THSD7B: variants seen among roughly 807,000 people sequenced by gnomAD.
THSD7B encodes thrombospondin type-1 domain-containing protein 7B.
Under a neutral mutation model 213.6 loss-of-function variants are expected in THSD7B, and 138 were observed. That is an observed-to-expected ratio of 0.65 (90% CI 0.56 to 0.74). THSD7B has a LOEUF of 0.74. Among genes scored for constraint, THSD7B ranks in the 30% least tolerant of loss-of-function variants. The pLI, the probability that THSD7B is intolerant of heterozygous loss-of-function variation, is 0.00. For synonymous variants in THSD7B, 742 were observed against 687.0 expected (o/e 1.08, Z -1.25); for missense variants, 1,931 against 1,991.5 (o/e 0.97, Z 0.58).
chr2:137,057,354 G>A, intron 3 of THSD7B, 124 bp downstream of exon 3: 1 of 1,008,488 alleles, frequency 9.9e-7, no homozygotes, highest in Non-Finnish European at 1.4e-6. Context: ...TAGGTTTTTA[G>A]AAGTTTCATG....
chr2:137,273,621 G>A (rs1682801880), intron 11 of THSD7B, among the ~76,000 whole-genome samples: 1 of 152,060 alleles, frequency 6.6e-6, no homozygotes, highest in African/African-American at 2.4e-5. Flanking sequence ...GAAAATACAA[G>A]TCATTTCCTT....
At chr2:137,268,910 C>A (rs1682665888) in intron 10 of THSD7B, among the ~76,000 whole-genome samples, 1 of 152,180 alleles carries the variant, frequency 6.6e-6, no homozygotes. Flanking sequence ...CCACTTAAGT[C>A]TGTTGTGTGC....
At chr2:136,767,253 G>A (rs1027511099) in intron 1 of THSD7B, among the ~76,000 whole-genome samples, 8 of 152,162 alleles carry the variant, frequency 5.3e-5, no homozygotes, top group Non-Finnish European at 8.8e-5. Context: ...GTGAGTGAAA[G>A]CTCGTGTCTT....
chr2:137,309,235 C>T (rs1332917311), intron 12 of THSD7B, among the ~76,000 whole-genome samples: 1 of 151,904 alleles, frequency 6.6e-6, no homozygotes, highest in South Asian at 2.1e-4. Context: ...TCTTTGATTG[C>T]TATTAATATT....
intron 5 of THSD7B, among the ~76,000 whole-genome samples, chr2:137,142,444 C>T (rs1679604854): frequency 6.6e-6 from 1 of 151,410 alleles, no homozygotes; most frequent in Admixed American, 6.6e-5. Flanking sequence ...TTTCAACATT[C>T]GTTTTTGTTG....
At chr2:136,917,196 C>T (rs748529736) in intron 2 of THSD7B, among the ~76,000 whole-genome samples, 2 of 152,118 alleles carry the variant, frequency 1.3e-5, no homozygotes, top group Non-Finnish European at 2.9e-5. Flanking sequence ...CGCATCCCAC[C>T]CCAGCTTATT....
At chr2:137,345,453 TATG>T (rs1382683639) in intron 12 of THSD7B, among the ~76,000 whole-genome samples, 1 of 151,564 alleles carries the variant, frequency 6.6e-6, no homozygotes, top group Non-Finnish European at 1.5e-5. Flanking sequence ...TACAAAAACA[TATG>T]ATGCTTTCTA....
intron 3 of THSD7B, among the ~76,000 whole-genome samples, chr2:137,077,737 A>T (rs1442788255): frequency 6.7e-6 from 1 of 149,880 alleles, no homozygotes; most frequent in African/African-American, 2.5e-5. Context: ...CCTTTGTCAG[A>T]TGAGTAGGTT....
chr2:137,581,218 G>T (rs1334128493), intron 17 of THSD7B, among the ~76,000 whole-genome samples: 1 of 152,050 alleles, frequency 6.6e-6, no homozygotes, highest in East Asian at 1.9e-4. Context: ...ATTATTTTTA[G>T]AATTTGTCAT....
chr2:137,404,157 A>G (rs1211866793), intron 12 of THSD7B, among the ~76,000 whole-genome samples: 1 of 152,026 alleles, frequency 6.6e-6, no homozygotes, highest in African/African-American at 2.4e-5. Flanking sequence ...CACGATTATT[A>G]TTTTAAGGAA....
At chr2:137,195,832 C>T (rs920181019) in intron 7 of THSD7B, among the ~76,000 whole-genome samples, 22 of 151,996 alleles carry the variant, frequency 1.4e-4, no homozygotes, top group South Asian at 6.2e-4. Flanking sequence ...GAAATTTTGA[C>T]GAGGAACAGG....
chr2:137,007,485 A>G (rs1686139517), intron 2 of THSD7B, among the ~76,000 whole-genome samples: 1 of 152,204 alleles, frequency 6.6e-6, no homozygotes, highest in Admixed American at 6.5e-5. Context: ...AGAGGTGTCC[A>G]GTTTAATGTA....
intron 3 of THSD7B, among the ~76,000 whole-genome samples, chr2:137,090,277 G>T (rs1163958697): frequency 2.0e-5 from 3 of 152,120 alleles, no homozygotes; most frequent in South Asian, 2.1e-4. Context: ...AACTAGAATT[G>T]CATAGAACAG....
At chr2:137,454,682 T>C (rs1228931541) in intron 15 of THSD7B, among the ~76,000 whole-genome samples, 2 of 152,170 alleles carry the variant, frequency 1.3e-5, no homozygotes, top group African/African-American at 4.8e-5. Context: ...CAGCTTCTAT[T>C]ATTTATGGCA....
rs1352590087 is a variant in THSD7B, at chr2:137,656,853, A to T, written c.4163A>T (p.Asp1388Val). The part of the protein sequence containing the change: ...EWSTCELTCI[D>V]GRSFETVGRQ... ...AGCACATGTGAATTAACCTGCATTG[A>T]TGGAAGAAGCTTTGAGACTGTGGGC... The change falls in exon 23 of 28, where the codon GAT (aspartate) becomes GTT (valine). Residue 1388 changes from aspartate (D) to valine (V), a missense_variant. Asp to Val is a radical substitution (Grantham distance 152). Transcript: ENST00000409968. The T allele has an allele frequency of 3.1e-6, 5 of 1,613,866 alleles. No individual in the cohort carries two copies. The highest frequency in any genetic ancestry group is 3.4e-6 in the Non-Finnish European group (4 of 1,179,888).
intron 5 of THSD7B, chr2:137,155,854 CTG>C (rs1679900862): frequency 6.6e-6 from 1 of 152,168 alleles, no homozygotes; most frequent in South Asian, 2.1e-4. Flanking sequence ...GTTCTGGTCA[CTG>C]TGATTCATAA....
At chr2:137,396,808 T>C (rs1180835457) in intron 12 of THSD7B, among the ~76,000 whole-genome samples, 1 of 151,770 alleles carries the variant, frequency 6.6e-6, no homozygotes, top group East Asian at 1.9e-4. Flanking sequence ...TAAGTCTCTT[T>C]GTAGGTCAGT....
At chr2:137,284,712 GA>G (rs532660615) in intron 12 of THSD7B, among the ~76,000 whole-genome samples, 92 of 152,084 alleles carry the variant, frequency 6.0e-4, no homozygotes, top group Non-Finnish European at 1.3e-3. Context: ...GAGTTGTTTT[GA>G]GTGAGTTTCT....
chr2:137,254,187 G>C (rs2105076156), intron 10 of THSD7B, among the ~76,000 whole-genome samples: 1 of 152,240 alleles, frequency 6.6e-6, no homozygotes. Context: ...GGTTCAGATA[G>C]AATATTTCTG....
Sources: gnomAD v4.1 joint callset for allele counts (sites outside exome capture counted in the v4.1 genomes callset) on GRCh38, gnomAD v4.1.1 for gene constraint, MANE v1.5 for transcripts, NCBI Gene and HGNC (gene_info 2026-07-23, HGNC 2026-07-21) for gene names.